Variants in COL22A1 observed in about 807,000 individuals in gnomAD.
COL22A1 encodes collagen alpha-1(XXII) chain.
Under a neutral mutation model 248.9 loss-of-function variants are expected in COL22A1, and 221 were observed. That is an observed-to-expected ratio of 0.89 (90% CI 0.80 to 0.99). The LOEUF (loss-of-function observed/expected upper bound fraction) is 0.99, where lower values mean the gene tolerates loss of function less well. Among genes scored for constraint, COL22A1 ranks in the 50% least tolerant of loss-of-function variants. COL22A1 has a pLI of 0.00. For missense variants in COL22A1, 2,240 were observed against 2,179.0 expected, an observed-to-expected ratio of 1.03 and a Z score of -0.56; for synonymous variants, 891 against 793.4, an observed-to-expected ratio of 1.12 and a Z score of -2.07.
chr8:138,589,513 G>T, intron 64 of COL22A1, 73 bp from the exon 65 acceptor site: 6 of 1,239,604 alleles, frequency 4.8e-6, no homozygotes, highest in Non-Finnish European at 6.5e-6. Context: ...TGAACTCACA[G>T]CTTCCATTCA....
At chr8:138,598,647 G>A in intron 61 of COL22A1, 72 bp downstream of exon 61, 2 of 1,444,150 alleles carry the variant, frequency 1.4e-6, no homozygotes, top group Non-Finnish European at 1.9e-6. Context: ...TGCCTCTGAA[G>A]TCCACACACT....
intron 47 of COL22A1, among the ~76,000 whole-genome samples, chr8:138,644,667 T>C (rs1167909488): frequency 6.6e-6 from 1 of 152,232 alleles, no homozygotes; most frequent in Non-Finnish European, 1.5e-5. Context: ...CCTTGGATCA[T>C]GCTAATGCTG....
At chr8:138,895,204 A>G (rs1192823024) in intron 1 of COL22A1, among the ~76,000 whole-genome samples, 2 of 152,214 alleles carry the variant, frequency 1.3e-5, no homozygotes, top group Non-Finnish European at 2.9e-5. Context: ...ACTAAACAAT[A>G]AAATTAAATA....
chr8:138,638,211 A>G (rs72727838), intron 47 of COL22A1, among the ~76,000 whole-genome samples: 3,216 of 152,314 alleles, frequency 0.021, 176 homozygotes, highest in East Asian at 0.17. Context: ...TATTGTGTTA[A>G]TAAGTGTGTT....
intron 32 of COL22A1, among the ~76,000 whole-genome samples, chr8:138,697,411 C>T (rs1827594323): frequency 6.6e-6 from 1 of 152,188 alleles, no homozygotes; most frequent in South Asian, 2.1e-4. Context: ...GATGAGCCTC[C>T]AGTTACAAAA....
chr8:138,844,249 C>T, intron 3 of COL22A1, 91 bp from the exon 4 acceptor site: 1 of 1,185,678 alleles, frequency 8.4e-7, no homozygotes, highest in Middle Eastern at 2.3e-4. Flanking sequence ...CCCCACCCTG[C>T]CTTGCAGCAT....
At chr8:138,835,001 A>G (rs1471467972) in intron 4 of COL22A1, among the ~76,000 whole-genome samples, 2 of 152,170 alleles carry the variant, frequency 1.3e-5, no homozygotes, top group Non-Finnish European at 2.9e-5. Context: ...GTCAGTGAGC[A>G]GGGGCGGCAC....
chr8:138,822,222 G>C (rs1199969593), intron 6 of COL22A1, among the ~76,000 whole-genome samples: 1 of 152,048 alleles, frequency 6.6e-6, no homozygotes, highest in Non-Finnish European at 1.5e-5. Flanking sequence ...CCTAATTTTT[G>C]TGATTTTAGT....
In COL22A1 at chr8:138,890,336, G is replaced by A. The variant is rs531060122; in HGVS notation, c.-72-7092C>T. ...AACAAAACAAGGATGCTTCTTTGCCGTATCTACTCAACATGCTACTGGAAG... is the reference window on the plus strand; with the variant it reads ...AACAAAACAAGGATGCTTCTTTGCCATATCTACTCAACATGCTACTGGAAG... On this transcript the variant is annotated intron_variant, in intron 1 of 64. Coordinates refer to ENST00000303045, the MANE Select transcript of COL22A1 (RefSeq NM_152888.3). Among the ~76,000 whole-genome samples, 214 of 152,258 alleles carry A rather than the reference G, an allele frequency of 1.4e-3. 1 individual carries two copies. The highest frequency in any genetic ancestry group is 4.4e-3 in the African/African-American group (184 of 41,534).
intron 61 of COL22A1, among the ~76,000 whole-genome samples, chr8:138,597,178 C>T (rs536161626): frequency 9.8e-4 from 149 of 152,278 alleles, no homozygotes; most frequent in Non-Finnish European, 1.8e-3. Context: ...CACAGCAACC[C>T]GGACTCTGGG....
chr8:138,804,697 G>T (rs781116662), intron 10 of COL22A1, among the ~76,000 whole-genome samples: 1 of 152,088 alleles, frequency 6.6e-6, no homozygotes, highest in Non-Finnish European at 1.5e-5. Context: ...GGGGGCAGCG[G>T]GTGTGTGTGA....
chr8:138,727,295 T>TGA (rs1469385478), intron 23 of COL22A1, among the ~76,000 whole-genome samples: 2 of 151,862 alleles, frequency 1.3e-5, no homozygotes, highest in African/African-American at 4.8e-5. Flanking sequence ...CTGAGCCATC[T>TGA]CCACCTTTCT....
intron 3 of COL22A1, among the ~76,000 whole-genome samples, chr8:138,855,470 G>T (rs2131925268): frequency 6.6e-6 from 1 of 152,302 alleles, no homozygotes; most frequent in Middle Eastern, 3.4e-3. Flanking sequence ...AGCAGGCTCG[G>T]CTCCTCATTT....
At chr8:138,672,963 C>T (rs1209304672) in intron 41 of COL22A1, among the ~76,000 whole-genome samples, 1 of 152,174 alleles carries the variant, frequency 6.6e-6, no homozygotes, top group Admixed American at 6.5e-5. Context: ...TTAAACATTG[C>T]TAAGGGAACA....
chr8:138,875,108 T>C (rs562693392), intron 3 of COL22A1, among the ~76,000 whole-genome samples: 2 of 152,226 alleles, frequency 1.3e-5, no homozygotes, highest in East Asian at 3.9e-4. Context: ...CAGAGGAACC[T>C]GGAAATGGAG....
chr8:138,804,198 T>C (rs939462745), intron 10 of COL22A1, among the ~76,000 whole-genome samples: 1 of 152,172 alleles, frequency 6.6e-6, no homozygotes, highest in Non-Finnish European at 1.5e-5. Context: ...ACTCAGCCTA[T>C]GCATGTGGAC....
At chr8:138,795,368 C>T (rs1347255320) in intron 12 of COL22A1, among the ~76,000 whole-genome samples, 1 of 152,164 alleles carries the variant, frequency 6.6e-6, no homozygotes, top group African/African-American at 2.4e-5. Context: ...TGTGCCTATG[C>T]TTTTAATGGA....
intron 40 of COL22A1, among the ~76,000 whole-genome samples, chr8:138,677,958 T>C (rs1276985971): frequency 6.6e-6 from 1 of 152,228 alleles, no homozygotes; most frequent in African/African-American, 2.4e-5. Flanking sequence ...AATGAGATAA[T>C]GTTGCAGCTA....
intron 3 of COL22A1, among the ~76,000 whole-genome samples, chr8:138,860,386 A>C (rs1200169921): frequency 6.6e-6 from 1 of 152,216 alleles, no homozygotes; most frequent in Non-Finnish European, 1.5e-5. Flanking sequence ...CATTGCACCC[A>C]GACTGAGCGA....
Sources: allele counts gnomAD v4.1 joint callset (sites outside exome capture counted in the v4.1 genomes callset), GRCh38; gene constraint gnomAD v4.1.1; transcripts MANE v1.5; gene names NCBI Gene and HGNC (gene_info 2026-07-23, HGNC 2026-07-21).